C6orf118: variants seen among roughly 807,000 people sequenced by gnomAD.
The protein encoded by C6orf118 is chromosome 6 open reading frame 118.
In C6orf118, 50 loss-of-function variants were observed where a neutral mutation model predicts 50.2. The observed-to-expected ratio is 1.00, with a 90% CI of 0.79 to 1.26. The LOEUF (loss-of-function observed/expected upper bound fraction) is 1.26, where lower values mean the gene tolerates loss of function less well. C6orf118 is among the 50% of genes most tolerant of loss of function. The pLI, the probability that C6orf118 is intolerant of heterozygous loss-of-function variation, is 0.00. For missense variants in C6orf118, 641 were observed against 578.7 expected (o/e 1.11, Z -1.10); for synonymous variants, 239 against 230.9 (o/e 1.03, Z -0.32).
At chr6:165,297,728 C>T (rs946553864) in intron 5 of C6orf118, among the ~76,000 whole-genome samples, 22 of 152,148 alleles carry the variant, frequency 1.4e-4, no homozygotes, top group African/African-American at 4.6e-4. Flanking sequence ...CAGGGGACCA[C>T]CAGAAAAGAC....
At chr6:165,280,563 C>T (rs1335930944) in intron 8 of C6orf118, among the ~76,000 whole-genome samples, 1 of 152,184 alleles carries the variant, frequency 6.6e-6, no homozygotes, top group Non-Finnish European at 1.5e-5. Flanking sequence ...GCCCCATAAG[C>T]TGGAGAGTGG....
At chr6:165,283,530 A>G (rs1033610996) in intron 7 of C6orf118, among the ~76,000 whole-genome samples, 11 of 152,182 alleles carry the variant, frequency 7.2e-5, no homozygotes, top group African/African-American at 2.7e-4. Flanking sequence ...GAGACCTCCC[A>G]ACAGGGATCG....
chr6:165,290,047 T>G lies in C6orf118; in HGVS notation c.1141A>C (p.Ile381Leu). ...ERSESSEKHI[I>L]DENRLTLTEK... ...GTAAGAGTAAGTCGGTTTTCATCAA[T>G]TATATGTTTCTCAGATGATTCTGGA... is the stretch of plus-strand genomic sequence containing the variant. The change falls in exon 7 of 9, where the codon ATT becomes CTT. Residue 381 changes from isoleucine (I) to leucine (L), a missense_variant. Coordinates refer to ENST00000230301, the MANE Select transcript of C6orf118 (RefSeq NM_144980.4). 2 of 1,599,080 alleles carry G rather than the reference T, an allele frequency of 1.3e-6. No individual in the cohort carries two copies. The highest frequency in any genetic ancestry group is 1.7e-6 in the Non-Finnish European group (2 of 1,173,894).
chr6:165,301,191 G>A (rs1041250624), intron 2 of C6orf118, among the ~76,000 whole-genome samples: 1 of 152,104 alleles, frequency 6.6e-6, no homozygotes, highest in Non-Finnish European at 1.5e-5. Flanking sequence ...GTACAGTGCT[G>A]CATCCTGCCT....
At chr6:165,295,652 T>C (rs1052320862) in intron 5 of C6orf118, among the ~76,000 whole-genome samples, 1 of 101,084 alleles carries the variant, frequency 9.9e-6, no homozygotes, top group Admixed American at 8.7e-5. Flanking sequence ...ATTTATTGTT[T>C]TTTTTTTTCG....
At chr6:165,283,264 G>A (rs1779792144) in intron 7 of C6orf118, among the ~76,000 whole-genome samples, 1 of 152,148 alleles carries the variant, frequency 6.6e-6, no homozygotes, top group Admixed American at 6.5e-5. Context: ...CCCAGCCAAG[G>A]GAGGCAGTGA....
Position 165,295,970 on chromosome 6 carries a change from C to A in C6orf118, c.1061+2007G>T, listed in dbSNP as rs1421484680. Among the ~76,000 whole-genome samples the A allele has an allele frequency of 2.7e-5, 4 of 147,954 alleles. No homozygotes were observed. In the East Asian group the frequency reaches 8.3e-4, roughly 31 times the overall value. On this transcript the variant is annotated intron_variant, in intron 5 of 8. Transcript: ENST00000230301. The stretch of plus-strand genomic sequence containing the variant: ...CCATCATAGTCAATGCTGCCATCAG[C>A]CCAGCAGGACAGTTGTGTGGCTTTC...
At chr6:165,290,730 A>G (rs1208192869) in intron 6 of C6orf118, among the ~76,000 whole-genome samples, 2 of 152,224 alleles carry the variant, frequency 1.3e-5, no homozygotes, top group Admixed American at 1.3e-4. Flanking sequence ...TGGATCAGAC[A>G]GCACAAGACT....
chr6:165,308,153 G>A (rs916946470), intron 1 of C6orf118, among the ~76,000 whole-genome samples: 1 of 152,212 alleles, frequency 6.6e-6, no homozygotes. Context: ...AAATGTGGAA[G>A]CAGAATGATG....
chr6:165,284,988 G>A (rs1430483184), intron 7 of C6orf118, among the ~76,000 whole-genome samples: 4 of 152,138 alleles, frequency 2.6e-5, no homozygotes, highest in African/African-American at 7.2e-5. Context: ...ATGTAAATGG[G>A]CTAAATGCCC....
chr6:165,286,953 A>T (rs1331046832), intron 7 of C6orf118, among the ~76,000 whole-genome samples: 1 of 152,198 alleles, frequency 6.6e-6, no homozygotes, highest in African/African-American at 2.4e-5. Context: ...AGAAAGAAAT[A>T]AAGGGTATTG....
rs550996127 is a variant in C6orf118, at chr6:165,294,276, A to C, written c.1062-805T>G. Among the ~76,000 whole-genome samples, 1,255 of 151,620 alleles carry C rather than the reference A, an allele frequency of 8.3e-3. 22 individuals are homozygous for C. Among genetic ancestry groups the C allele is most frequent in the African/African-American group, 0.028 (1,163 of 41,426 alleles). On this transcript the variant is annotated intron_variant, in intron 5 of 8. Transcript: ENST00000230301. ...AAGCAAAAAAAAAAAAACAAAAAAA[A>C]AAAAAGTAAATAAATAAGTAAATAA...
At chr6:165,297,938 G>T in intron 5 of C6orf118, 39 bp downstream of exon 5, 1 of 1,612,144 alleles carries the variant, frequency 6.2e-7, no homozygotes, top group East Asian at 2.2e-5. Context: ...TGTTACGGAA[G>T]AATCTAAACA....
chr6:165,301,762 T>G lies in C6orf118; in HGVS notation c.560A>C (p.Tyr187Ser). ...LRLPDLKVLC[Y>S]QEAGSRGTRD... ...GGTGCCTCTGGACCCGGCCTCCTGG[T>G]AGCACAGCACCTTCAAGTCGGGCAG... The change falls in exon 2 of 9, where the codon TAC becomes TCC. Residue 187 changes from tyrosine to serine, a missense_variant. Coordinates refer to ENST00000230301, the MANE Select transcript of C6orf118 (RefSeq NM_144980.4). The G allele has an allele frequency of 6.2e-7, 1 of 1,614,046 alleles. No individual in the cohort carries two copies. Among genetic ancestry groups the G allele is most frequent in the Non-Finnish European group, 8.5e-7 (1 of 1,179,994 alleles).
chr6:165,307,017 C>T (rs114113074), intron 1 of C6orf118, among the ~76,000 whole-genome samples: 2,375 of 152,252 alleles, frequency 0.016, 62 homozygotes, highest in African/African-American at 0.054. Flanking sequence ...TTATGACTCT[C>T]TTACAAAGAT....
chr6:165,293,524 T>C, intron 5 of C6orf118, 53 bp from the exon 6 acceptor site: 1 of 1,486,078 alleles, frequency 6.7e-7, no homozygotes, highest in Non-Finnish European at 9.3e-7. Flanking sequence ...TTATATCTTT[T>C]GTCTTTTGTC....
intron 7 of C6orf118, chr6:165,281,976 C>A: frequency 4.7e-6 from 1 of 212,810 alleles, no homozygotes; most frequent in South Asian, 1.4e-4. Context: ...CTTCACTTTT[C>A]AGAACTAATG....
rs1460802066 is a variant in C6orf118 at position 165,279,958 on chromosome 6, G to T, written c.*99C>A. On this transcript the variant is annotated 3_prime_UTR_variant, in exon 9 of 9. Coordinates refer to ENST00000230301, the MANE Select transcript of C6orf118 (RefSeq NM_144980.4). ...TACTAGAGATTAAAGCTGATGAAAT[G>T]AAATGTATCTTTATGAATGTATATG... 30 of 1,216,980 alleles carry T rather than the reference G, an allele frequency of 2.5e-5. No homozygotes were observed. The highest frequency in any genetic ancestry group is 2.3e-6 in the Non-Finnish European group (2 of 870,482). The allele number at this position is 1,216,980 out of a possible 1,614,324, so 75.4% of individuals were successfully genotyped here. A position where few individuals can be genotyped will look rare whatever the true frequency, so the allele number is the denominator to read the frequency against.
At chr6:165,298,315 T>C (rs1780389434) in intron 4 of C6orf118, among the ~76,000 whole-genome samples, 1 of 152,172 alleles carries the variant, frequency 6.6e-6, no homozygotes, top group Non-Finnish European at 1.5e-5. Flanking sequence ...TTTTTCAATA[T>C]GTTAAAAGTT....
Sources: gnomAD v4.1 joint callset for allele counts (sites outside exome capture counted in the v4.1 genomes callset) on GRCh38, gnomAD v4.1.1 for gene constraint, MANE v1.5 for transcripts, NCBI Gene and HGNC (gene_info 2026-07-23, HGNC 2026-07-21) for gene names.